The following ADGRD1 variants were observed in gnomAD, a reference collection of about 807,000 sequenced individuals.
ADGRD1 encodes the protein adhesion G protein-coupled receptor D1, also known as G-protein coupled receptor 133.
In ADGRD1, 77 loss-of-function variants were observed where a neutral mutation model predicts 113.4. The observed-to-expected ratio is 0.68, with a 90% confidence interval of 0.57 to 0.82. The LOEUF (loss-of-function observed/expected upper bound fraction) is 0.82, where lower values mean the gene tolerates loss of function less well. ADGRD1 is among the 40% of genes least tolerant of loss of function. The pLI, the probability that ADGRD1 is intolerant of heterozygous loss-of-function variation, is 0.00. For synonymous variants in ADGRD1, 474 were observed against 475.0 expected, an observed-to-expected ratio of 1.00 and a Z score of 0.03; for missense variants, 1,036 against 1,139.1, an observed-to-expected ratio of 0.91 and a Z score of 1.30.
intron 12 of ADGRD1, among the ~76,000 whole-genome samples, chr12:131,010,037 C>T (rs1341040683): frequency 6.6e-6 from 1 of 152,190 alleles, no homozygotes; most frequent in Non-Finnish European, 1.5e-5. Context: ...CAGTGCTGCT[C>T]GAAACAGAGA....
rs749549808 is a variant in ADGRD1 at position 130,987,314 on chromosome 12, C to T, written c.710C>T (p.Pro237Leu). ...ATCATCTGGGAGCGGGCTCTGACTC[C>T]GGATGAGATCGCCATGTACTTCACT... ...EFIIWERALT[P>L]DEIAMYFTAA... Residue 237 changes from proline (P) to leucine (L), a missense_variant, in exon 6 of 25, where the codon CCG becomes CTG. Coordinates refer to ENST00000261654, the MANE Select transcript of ADGRD1 (RefSeq NM_198827.5). The T allele has an allele frequency of 1.2e-6, 2 of 1,614,180 alleles. No homozygotes were observed. The highest frequency in any genetic ancestry group is 1.3e-5 in the African/African-American group (1 of 75,056).
intron 4 of ADGRD1, chr12:130,980,970 C>A (rs973397856): frequency 1.3e-5 from 2 of 152,246 alleles, no homozygotes; most frequent in Non-Finnish European, 2.9e-5. Flanking sequence ...AATCCCTCCT[C>A]CCCCGCAGCG....
intron 4 of ADGRD1, among the ~76,000 whole-genome samples, chr12:130,973,593 C>T (rs573285192): frequency 6.6e-6 from 1 of 152,236 alleles, no homozygotes; most frequent in East Asian, 1.9e-4. Context: ...CTTGTTGAGC[C>T]CCGACTCTGC....
At chr12:131,030,793 C>T (rs1370641690) in intron 13 of ADGRD1, 1 of 152,274 alleles carries the variant, frequency 6.6e-6, no homozygotes, top group East Asian at 1.9e-4. Context: ...GAACAGAAGA[C>T]ACCAGTACTT....
chr12:131,049,934 T>C (rs1883211669), intron 13 of ADGRD1, among the ~76,000 whole-genome samples: 1 of 152,152 alleles, frequency 6.6e-6, no homozygotes, highest in Non-Finnish European at 1.5e-5. Flanking sequence ...ACCGAGCATC[T>C]AAAACCTGGA....
At chr12:130,959,755 C>G (rs1870126709) in intron 2 of ADGRD1, among the ~76,000 whole-genome samples, 1 of 152,174 alleles carries the variant, frequency 6.6e-6, no homozygotes, top group African/African-American at 2.4e-5. Flanking sequence ...TTTGCCAGAT[C>G]TTTACCATGT....
intron 4 of ADGRD1, among the ~76,000 whole-genome samples, 178 bp from the exon 5 acceptor site, chr12:130,981,706 C>A (rs536442989): frequency 2.6e-5 from 4 of 152,234 alleles, no homozygotes; most frequent in African/African-American, 9.6e-5. Flanking sequence ...ACTGTGTGAG[C>A]CCTTAATAAA....
rs752948666 is a variant in ADGRD1, at chr12:131,108,753, A to G, written c.1917A>G (p.Leu639=). The change falls in exon 18 of 25, where the codon CTA becomes CTG. Residue 639 remains leucine, a synonymous_variant. Transcript: ENST00000261654. ...TTPCQVMAVL[L]HYFFLSAFAW... Reference sequence around the variant, plus strand: ...CCTGCCAAGTGATGGCCGTGCTCCTACACTACTTCTTCCTGAGTGCCTTCG... The same window carrying G: ...CCTGCCAAGTGATGGCCGTGCTCCTGCACTACTTCTTCCTGAGTGCCTTCG... 1.1e-5 allele frequency: 18 copies of G among 1,613,918 alleles called. No homozygotes were observed. The highest frequency in any genetic ancestry group is 1.3e-5 in the Non-Finnish European group (15 of 1,179,976).
intron 21 of ADGRD1, among the ~76,000 whole-genome samples, chr12:131,132,255 C>T (rs536624705): frequency 6.6e-6 from 1 of 152,318 alleles, no homozygotes; most frequent in East Asian, 1.9e-4. Context: ...TCAGCTGGCA[C>T]ATCAGGGAAG....
Position 130,982,009 on chromosome 12 carries a change from G to C in ADGRD1, c.436G>C (p.Glu146Gln). Residue 146 changes from glutamate to glutamine, a missense_variant, in exon 5 of 25, where the codon GAG (glutamate) becomes CAG (glutamine). Physicochemically the swap from Glu to Gln is conservative, Grantham distance 29. Coordinates refer to ENST00000261654, the MANE Select transcript of ADGRD1 (RefSeq NM_198827.5). The part of the protein sequence containing the change: ...VCSSGGRGSV[E>Q]LYTRDNSMTW... The stretch of plus-strand genomic sequence containing the variant: ...CTCCAGCGGTGGCAGAGGCTCTGTG[G>C]AGCTGTATACGCGGGACAATTCCAT... 1 of 1,614,054 alleles carries C rather than the reference G, an allele frequency of 6.2e-7. No individual in the cohort carries two copies. Among genetic ancestry groups the C allele is most frequent in the Non-Finnish European group, 8.5e-7 (1 of 1,179,934 alleles).
intron 12 of ADGRD1, among the ~76,000 whole-genome samples, chr12:131,009,673 A>C (rs774371386): frequency 6.6e-6 from 1 of 151,982 alleles, no homozygotes; most frequent in Non-Finnish European, 1.5e-5. Context: ...ACACAGGTGC[A>C]TGTATGTGCT....
intron 17 of ADGRD1, among the ~76,000 whole-genome samples, chr12:131,107,814 G>A (rs1230837390): frequency 6.6e-6 from 1 of 152,196 alleles, no homozygotes; most frequent in Non-Finnish European, 1.5e-5. Flanking sequence ...CACATTTAGT[G>A]GCTTGTACAT....
At chr12:130,967,290 G>A (rs1200663385) in intron 3 of ADGRD1, 1 of 210,206 alleles carries the variant, frequency 4.8e-6, no homozygotes, top group African/African-American at 2.2e-5. Flanking sequence ...TTCCAGTGAG[G>A]CCCAATTCCA....
At chr12:131,080,835 T>C (rs1246432277) in intron 14 of ADGRD1, among the ~76,000 whole-genome samples, 1 of 152,188 alleles carries the variant, frequency 6.6e-6, no homozygotes, top group Non-Finnish European at 1.5e-5. Flanking sequence ...TTAGCCAGGA[T>C]GGTCTCGATC....
At chr12:131,115,833 A>C (rs1287351720) in intron 18 of ADGRD1, among the ~76,000 whole-genome samples, 2 of 152,134 alleles carry the variant, frequency 1.3e-5, no homozygotes, top group African/African-American at 4.8e-5. Flanking sequence ...TTCATCATCG[A>C]GGGGCTCATC....
At chr12:130,975,292 G>C (rs7138711) in intron 4 of ADGRD1, among the ~76,000 whole-genome samples, 140,489 of 152,184 alleles carry the variant, frequency 0.92, 65,742 homozygotes, top group Non-Finnish European at 0.99. Context: ...CAACTTGCAC[G>C]GCCGACGATG....
chr12:131,071,570 C>A (rs917389972), intron 13 of ADGRD1, among the ~76,000 whole-genome samples: 1 of 152,214 alleles, frequency 6.6e-6, no homozygotes, highest in African/African-American at 2.4e-5. Flanking sequence ...CACTCAGGAC[C>A]TCTTTCCCAA....
In ADGRD1 at chr12:131,076,839, C is replaced by T; in HGVS notation, c.1512C>T (p.Asn504=). The T allele has an allele frequency of 6.2e-7, 1 of 1,614,186 alleles. No homozygotes were observed. Among genetic ancestry groups the T allele is most frequent in the Non-Finnish European group, 8.5e-7 (1 of 1,180,004 alleles). ...ACAGTGAGGCCACCAACAGCAGCAACCGAGTCTTCGTGTACTGCGCCTTCC... is the reference window on the plus strand; with the variant it reads ...ACAGTGAGGCCACCAACAGCAGCAATCGAGTCTTCGTGTACTGCGCCTTCC... ...KQHSEATNSS[N]RVFVYCAFLD... Residue 504 remains asparagine, a synonymous_variant, in exon 14 of 25, where the codon AAC becomes AAT. Transcript: ENST00000261654.
At chr12:131,004,392 G>GGTGCGGTGCTCCCCCGGGCCGC in intron 11 of ADGRD1, 96 bp downstream of exon 11, 1 of 790,716 alleles carries the variant, frequency 1.3e-6, no homozygotes, top group South Asian at 1.5e-5. Flanking sequence ...GCGCCAGGGA[G>GGTGCGGTGCTCCCCCGGGCCGC]CTGCGGTGCT....
Sources: gnomAD v4.1 joint callset for allele counts (sites outside exome capture counted in the v4.1 genomes callset) on GRCh38, gnomAD v4.1.1 for gene constraint, MANE v1.5 for transcripts, NCBI Gene and HGNC (gene_info 2026-07-23, HGNC 2026-07-21) for gene names.